The following DLGAP1 variants were observed in gnomAD, a reference collection of about 807,000 sequenced individuals.
The protein encoded by DLGAP1 is disks large-associated protein 1.
Under a neutral mutation model 90.8 loss-of-function variants are expected in DLGAP1, and 11 were observed. The ratio of observed to expected loss-of-function variants is 0.12; its 90% CI spans 0.08 to 0.20. The LOEUF (loss-of-function observed/expected upper bound fraction) is 0.20, where lower values mean the gene tolerates loss of function less well. Ranked by LOEUF, DLGAP1 falls within the 10% of genes least tolerant of loss-of-function variation. The probability of loss-of-function intolerance (pLI) is 1.00; values close to 1 mark genes in which losing one functional copy is unlikely to be tolerated. For synonymous variants in DLGAP1, 558 were observed against 540.7 expected, an observed-to-expected ratio of 1.03 and a Z score of -0.44; for missense variants, 1,050 against 1,333.8, an observed-to-expected ratio of 0.79 and a Z score of 3.31.
At chr18:4,124,201 A>G (rs562194677) in intron 2 of DLGAP1, among the ~76,000 whole-genome samples, 1 of 152,190 alleles carries the variant, frequency 6.6e-6, no homozygotes, top group East Asian at 1.9e-4. Context: ...TGCCAAGAAA[A>G]ACTTGTAATA....
chr18:3,529,971 C>G (rs531340805), intron 10 of DLGAP1, among the ~76,000 whole-genome samples: 2 of 152,204 alleles, frequency 1.3e-5, no homozygotes, highest in Admixed American at 6.6e-5. Flanking sequence ...TTCCTAGCTC[C>G]TTTAGTTTTT....
chr18:4,161,187 T>C, intron 1 of DLGAP1, among the ~76,000 whole-genome samples: 1 of 152,060 alleles, frequency 6.6e-6, no homozygotes, highest in Non-Finnish European at 1.5e-5. Flanking sequence ...ACTACCTAGG[T>C]AGTAAGCCCA....
chr18:4,025,014 C>T (rs1034106765), intron 2 of DLGAP1, among the ~76,000 whole-genome samples: 2 of 152,310 alleles, frequency 1.3e-5, no homozygotes, highest in Admixed American at 6.5e-5. Flanking sequence ...CAAGAACCCA[C>T]CTACCTGCCC....
At chr18:4,223,644 C>T (rs1245274410) in intron 1 of DLGAP1, among the ~76,000 whole-genome samples, 1 of 152,116 alleles carries the variant, frequency 6.6e-6, no homozygotes, top group East Asian at 1.9e-4. Context: ...AAAATGGTCA[C>T]CAGATATGTA....
At chr18:4,381,744 A>C (rs1290245922) in intron 1 of DLGAP1, among the ~76,000 whole-genome samples, 1 of 152,122 alleles carries the variant, frequency 6.6e-6, no homozygotes, top group Admixed American at 6.5e-5. Flanking sequence ...TGATTTCTTC[A>C]TACTGATAGG....
At chr18:4,021,014 T>G (rs1369905262) in intron 2 of DLGAP1, among the ~76,000 whole-genome samples, 1 of 151,850 alleles carries the variant, frequency 6.6e-6, no homozygotes, top group Non-Finnish European at 1.5e-5. Context: ...CAAGAAAAAC[T>G]CACTTCGGCG....
At chr18:4,095,049 A>G (rs993027443) in intron 2 of DLGAP1, among the ~76,000 whole-genome samples, 2 of 152,180 alleles carry the variant, frequency 1.3e-5, no homozygotes, top group African/African-American at 4.8e-5. Context: ...AACCTAATAT[A>G]AAAAGCAAGA....
chr18:4,181,111 AT>A (rs2077200899), intron 1 of DLGAP1, among the ~76,000 whole-genome samples: 1 of 152,140 alleles, frequency 6.6e-6, no homozygotes, highest in Non-Finnish European at 1.5e-5. Flanking sequence ...TACGTCTAGG[AT>A]TTTTCACATC....
intron 1 of DLGAP1, among the ~76,000 whole-genome samples, chr18:4,228,057 A>T (rs533720465): frequency 2.9e-4 from 44 of 151,954 alleles, no homozygotes; most frequent in African/African-American, 8.9e-4. Context: ...TGATCATTAG[A>T]GGCTACTATG....
intron 7 of DLGAP1, among the ~76,000 whole-genome samples, chr18:3,712,049 G>T (rs550336598): frequency 1.3e-5 from 2 of 152,086 alleles, no homozygotes; most frequent in Non-Finnish European, 2.9e-5. Flanking sequence ...GGGGTGGCAT[G>T]GGGGGAGCAT....
At chr18:4,067,588 ATT>A (rs35755409) in intron 2 of DLGAP1, among the ~76,000 whole-genome samples, 16 of 147,666 alleles carry the variant, frequency 1.1e-4, no homozygotes, top group Non-Finnish European at 1.4e-4. Context: ...AGAGTTTGGC[ATT>A]TTTTTTTTTT....
At chr18:3,824,631 G>A (rs978413610) in intron 4 of DLGAP1, among the ~76,000 whole-genome samples, 91 of 151,940 alleles carry the variant, frequency 6.0e-4, no homozygotes, top group Non-Finnish European at 1.6e-4. Flanking sequence ...CTTAAATGAG[G>A]CTTACTTGTG....
chr18:3,752,552 T>C (rs1409808836), intron 5 of DLGAP1, among the ~76,000 whole-genome samples: 1 of 93,106 alleles, frequency 1.1e-5, no homozygotes, highest in Non-Finnish European at 2.0e-5. Context: ...CCTCCCTCCC[T>C]TCCTTCCTTC....
rs193239461 is a variant in DLGAP1 at position 4,340,761 on chromosome 18, T to C, written c.-267+114245A>G. The stretch of plus-strand genomic sequence containing the variant: ...TTTAGTTTTAGGGTGAATATAAGAA[T>C]GTGGAAGATATTTGTGCATCCACTT... On this transcript the variant is annotated intron_variant, in intron 1 of 12. Coordinates refer to ENST00000315677, the MANE Select transcript of DLGAP1 (RefSeq NM_004746.4). Among the ~76,000 whole-genome samples, 1,150 of 152,284 alleles carry C rather than the reference T, an allele frequency of 7.6e-3. 14 individuals carry two copies. The highest frequency in any genetic ancestry group is 0.017 in the Middle Eastern group (5 of 294).
chr18:4,131,791 C>T (rs576938628), intron 2 of DLGAP1, among the ~76,000 whole-genome samples: 3 of 152,224 alleles, frequency 2.0e-5, no homozygotes, highest in East Asian at 1.9e-4. Context: ...TAAGTGATAG[C>T]GTAAAGAAAT....
intron 1 of DLGAP1, chr18:4,294,464 G>A (rs2079926717): frequency 6.6e-6 from 1 of 152,256 alleles, no homozygotes; most frequent in Non-Finnish European, 1.5e-5. Flanking sequence ...TGTGACAGGG[G>A]TATGGCTCTC....
At chr18:3,874,384 C>G in intron 4 of DLGAP1, 1 of 1,467,988 alleles carries the variant, frequency 6.8e-7, no homozygotes, top group Non-Finnish European at 9.0e-7. Flanking sequence ...ATGCAAAATA[C>G]ACTGTTTGAA....
chr18:3,720,145 C>T (rs2061921155), intron 7 of DLGAP1, among the ~76,000 whole-genome samples: 1 of 152,104 alleles, frequency 6.6e-6, no homozygotes, highest in South Asian at 2.1e-4. Context: ...GGGATAAAAG[C>T]TAATTAAACT....
At chr18:4,289,550 T>A (rs1241913911) in intron 1 of DLGAP1, among the ~76,000 whole-genome samples, 1 of 152,200 alleles carries the variant, frequency 6.6e-6, no homozygotes, top group African/African-American at 2.4e-5. Context: ...TTTGATTCCG[T>A]AACTGTTAAA....
Sources: gnomAD v4.1 joint callset for allele counts (sites outside exome capture counted in the v4.1 genomes callset) on GRCh38, gnomAD v4.1.1 for gene constraint, MANE v1.5 for transcripts, NCBI Gene and HGNC (gene_info 2026-07-23, HGNC 2026-07-21) for gene names.